Variants in NEXMIF observed in about 807,000 individuals in gnomAD.
NEXMIF encodes the protein neurite extension and migration factor.
Under a neutral mutation model 62.1 loss-of-function variants are expected in NEXMIF, and 8 were observed. That is an observed-to-expected ratio of 0.13 (90% CI 0.08 to 0.23). NEXMIF has a LOEUF of 0.23. Ranked by LOEUF, NEXMIF falls within the 10% of genes least tolerant of loss-of-function variation. The probability of loss-of-function intolerance (pLI) is 1.00; values close to 1 mark genes in which losing one functional copy is unlikely to be tolerated. For missense variants in NEXMIF, 976 were observed against 1,113.3 expected, an observed-to-expected ratio of 0.88 and a Z score of 1.75; for synonymous variants, 404 against 416.6, an observed-to-expected ratio of 0.97 and a Z score of 0.37.
At chrX:74,779,290 A>G (rs2080238370) in intron 1 of NEXMIF, among the ~76,000 whole-genome samples, 1 of 111,382 alleles carries the variant, frequency 9.0e-6, no homozygotes, top group Non-Finnish European at 1.9e-5. Context: ...CTTTGGCCAT[A>G]TCTTGTTTTC....
In NEXMIF at chrX:74,733,678, G is replaced by A. The variant is rs1280807847; in HGVS notation, c.*5727C>T. The stretch of plus-strand genomic sequence containing the variant: ...TCAGTCACAAATATTTGAAACCTTC[G>A]CAACAAGAACAACAAAACCAGAAGT... On this transcript the variant is annotated 3_prime_UTR_variant, in exon 4 of 4. Coordinates refer to ENST00000055682, the MANE Select transcript of NEXMIF (RefSeq NM_001008537.3). The A allele has an allele frequency of 3.6e-5, 4 of 111,932 alleles. No individual in the cohort carries two copies. Among genetic ancestry groups the A allele is most frequent in the South Asian group, 3.7e-4 (1 of 2,721 alleles). The allele number at this position is 111,932 out of a possible 1,213,427, so 9.2% of individuals were successfully genotyped here.
chrX:74,900,357 G>A (rs1168255535), intron 1 of NEXMIF, among the ~76,000 whole-genome samples: 2 of 108,295 alleles, frequency 1.8e-5, no homozygotes, highest in African/African-American at 3.4e-5. Flanking sequence ...CCAGCTACTC[G>A]GGAGGCTGAG....
chrX:74,782,775 A>G (rs1257363119), intron 1 of NEXMIF, among the ~76,000 whole-genome samples: 1 of 112,110 alleles, frequency 8.9e-6, no homozygotes, highest in Non-Finnish European at 1.9e-5. Context: ...TTTCCTGATT[A>G]TTAGAGACTT....
chrX:74,877,830 T>C (rs2080643430), intron 1 of NEXMIF, among the ~76,000 whole-genome samples: 1 of 112,130 alleles, frequency 8.9e-6, no homozygotes, highest in Non-Finnish European at 1.9e-5. Flanking sequence ...GAGCCTTGGT[T>C]TTCAGCTCCA....
At chrX:74,810,962 C>T (rs761649618) in intron 1 of NEXMIF, among the ~76,000 whole-genome samples, 124 of 111,662 alleles carry the variant, frequency 1.1e-3, no homozygotes, top group Non-Finnish European at 1.9e-3. Flanking sequence ...GTACCTACAA[C>T]GCTAGGCACT....
At chrX:74,877,521 A>C (rs1051101035) in intron 1 of NEXMIF, among the ~76,000 whole-genome samples, 1 of 110,473 alleles carries the variant, frequency 9.1e-6, no homozygotes, top group Non-Finnish European at 1.9e-5. Flanking sequence ...GTATTTCCTG[A>C]ATCTGAACGT....
At chrX:74,873,118 C>A (rs1602258738) in intron 1 of NEXMIF, among the ~76,000 whole-genome samples, 1 of 110,274 alleles carries the variant, frequency 9.1e-6, no homozygotes, top group Non-Finnish European at 1.9e-5. Context: ...TTAGGTATAT[C>A]TCCCAATGCT....
Position 74,743,567 on chromosome X carries a change from C to T in NEXMIF, c.990G>A (p.Gln330=). 8.3e-7 allele frequency: 1 copy of T among 1,211,558 alleles called. No individual in the cohort carries two copies. Among genetic ancestry groups the T allele is most frequent in the Non-Finnish European group, 1.1e-6 (1 of 895,416 alleles). The part of the protein sequence containing the change: ...NVRDKTTLLM[Q]EDAQFNFFPS... ...GAAAAAAGTTGAATTGGGCATCTTC[C>T]TGCATCAAAAGAGTAGTCTTGTCTC... is the stretch of plus-strand genomic sequence containing the variant. The change falls in exon 3 of 4, where the codon CAG becomes CAA. Residue 330 remains glutamine, a synonymous_variant. Transcript: ENST00000055682.
intron 1 of NEXMIF, among the ~76,000 whole-genome samples, chrX:74,920,648 A>G (rs1213195453): frequency 1.8e-5 from 2 of 111,524 alleles, no homozygotes; most frequent in Non-Finnish European, 3.8e-5. Context: ...CCATTTGTCA[A>G]TTTTGTTTTT....
At chrX:74,903,880 CGTGTGTGTGTGTGTGTGTGTGTGTGT>C (rs3222701) in intron 1 of NEXMIF, among the ~76,000 whole-genome samples, 1 of 94,212 alleles carries the variant, frequency 1.1e-5, no homozygotes, top group Admixed American at 1.2e-4. Context: ...CAATTCTAAT[CGTGTGTGTGTGTGTGTGTGTGTGTGT>C]GTGTGTGTGT....
intron 1 of NEXMIF, among the ~76,000 whole-genome samples, chrX:74,887,529 A>G (rs1412135207): frequency 8.9e-6 from 1 of 112,558 alleles, no homozygotes; most frequent in East Asian, 2.8e-4. Context: ...TTATTCAGCC[A>G]AAAAACACAT....
chrX:74,741,880 C>T lies in NEXMIF; in HGVS notation c.2677G>A (p.Ala893Thr). Residue 893 changes from alanine to threonine, a missense_variant, in exon 3 of 4, where the codon GCT (alanine) becomes ACT (threonine). Physicochemically the swap from Ala to Thr is moderately conservative, Grantham distance 58. This residue lies in a region of NEXMIF where 639 missense variants were observed against 694.5 expected (regional missense o/e 0.92). Transcript: ENST00000055682. ...SNYRNVWPNK[A>T]TSGTQEFMAE... ...ATGAATTCCTGGGTGCCAGAAGTAG[C>T]CTTGTTGGGCCACACATTTCTATAG... 1 of 1,211,556 alleles carries T rather than the reference C, an allele frequency of 8.3e-7. No individual in the cohort carries two copies. Among genetic ancestry groups the T allele is most frequent in the Non-Finnish European group, 1.1e-6 (1 of 895,314 alleles).
At chrX:74,847,879 CA>C (rs2080498079) in intron 1 of NEXMIF, among the ~76,000 whole-genome samples, 3 of 110,725 alleles carry the variant, frequency 2.7e-5, no homozygotes, top group African/African-American at 9.8e-5. Context: ...CATAAATATT[CA>C]TCTCACTCAT....
At chrX:74,850,437 T>C (rs2147493784) in intron 1 of NEXMIF, among the ~76,000 whole-genome samples, 1 of 112,092 alleles carries the variant, frequency 8.9e-6, no homozygotes, top group East Asian at 2.8e-4. Context: ...CCAACTAACA[T>C]TGTTGCCAGC....
At position 74,759,842 on chromosome X, in the gene NEXMIF, C is replaced by T. The variant is rs777063329; in HGVS notation, c.-47-14145G>A. ...AACCTTGGTGCCTCCAGCTTTGCTCCTTTTGCTTAGGATTGCCTGGGCTAC... is the reference window on the plus strand; with the variant it reads ...AACCTTGGTGCCTCCAGCTTTGCTCTTTTTGCTTAGGATTGCCTGGGCTAC... On this transcript the variant is annotated intron_variant, in intron 1 of 3. Coordinates refer to ENST00000055682, the MANE Select transcript of NEXMIF (RefSeq NM_001008537.3). Among the ~76,000 whole-genome samples, 11 of 111,779 alleles carry T rather than the reference C, an allele frequency of 9.8e-5. No homozygotes were observed. In the South Asian group the frequency reaches 1.5e-3, roughly 15 times the overall value.
At chrX:74,841,598 T>C (rs2080474145) in intron 1 of NEXMIF, among the ~76,000 whole-genome samples, 1 of 111,866 alleles carries the variant, frequency 8.9e-6, no homozygotes, top group African/African-American at 3.3e-5. Context: ...CCATTCCGCA[T>C]GTTGTTGGCT....
intron 1 of NEXMIF, among the ~76,000 whole-genome samples, chrX:74,881,411 C>CACACACACACAG (rs1412910769): frequency 2.0e-5 from 2 of 102,388 alleles, no homozygotes; most frequent in African/African-American, 7.0e-5. Context: ...CACACACACA[C>CACACACACACAG]ACACACACAC....
chrX:74,877,686 G>A (rs1290539455), intron 1 of NEXMIF, among the ~76,000 whole-genome samples: 14 of 110,977 alleles, frequency 1.3e-4, no homozygotes, highest in South Asian at 3.9e-4. Flanking sequence ...GGCTTTGCTC[G>A]TTTCTTTTTA....
At chrX:74,905,882 G>T in intron 1 of NEXMIF, among the ~76,000 whole-genome samples, 1 of 111,667 alleles carries the variant, frequency 9.0e-6, no homozygotes, top group East Asian at 2.8e-4. Context: ...ACAAAACGTT[G>T]AACTATTTCT....
Sources: allele counts gnomAD v4.1 joint callset (sites outside exome capture counted in the v4.1 genomes callset), GRCh38; gene constraint gnomAD v4.1.1; regional missense constraint gnomAD v4.1.1; transcripts MANE v1.5; gene names NCBI Gene and HGNC (gene_info 2026-07-23, HGNC 2026-07-21).